Variants in OSBPL10 observed in about 807,000 individuals in gnomAD.
OSBPL10 encodes oxysterol binding protein like 10.
Under a neutral mutation model 81.7 loss-of-function variants are expected in OSBPL10, and 49 were observed. The ratio of observed to expected loss-of-function variants is 0.60; its 90% CI spans 0.48 to 0.76. The LOEUF (loss-of-function observed/expected upper bound fraction) is 0.76, where lower values mean the gene tolerates loss of function less well. Ranked by LOEUF, OSBPL10 falls within the 30% of genes least tolerant of loss-of-function variation. The pLI is 0.00. For missense variants in OSBPL10, 923 were observed against 987.8 expected (o/e 0.93, Z 0.88); for synonymous variants, 419 against 383.6 (o/e 1.09, Z -1.08).
At chr3:31,794,364 AATCCACCTCACCTCTGACACCGCAGGCG>A (rs886236485) in intron 4 of OSBPL10, 1 of 155,658 alleles carries the variant, frequency 6.4e-6, no homozygotes, top group African/African-American at 2.4e-5. Flanking sequence ...GGGCTCAGGC[AATCCACCTCACCTCTGACACCGCAGGCG>A]ATCCACCTGC....
upstream of OSBPL10, among the ~76,000 whole-genome samples, chr3:31,983,232 G>A (rs769629377): frequency 2.6e-5 from 4 of 152,228 alleles, no homozygotes; most frequent in Non-Finnish European, 4.4e-5. Context: ...CATACAGACT[G>A]AAGGTGGGAA....
At chr3:31,866,224 C>T (rs1275921479) in intron 3 of OSBPL10, among the ~76,000 whole-genome samples, 1 of 152,146 alleles carries the variant, frequency 6.6e-6, no homozygotes, top group African/African-American at 2.4e-5. Flanking sequence ...TCCTCCTTCC[C>T]ACCCCAACAA....
intron 4 of OSBPL10, among the ~76,000 whole-genome samples, chr3:31,777,245 G>T (rs1375800546): frequency 6.6e-6 from 1 of 152,156 alleles, no homozygotes; most frequent in Non-Finnish European, 1.5e-5. Context: ...AGGAAATAAT[G>T]AACAGCAGTG....
intron 7 of OSBPL10, among the ~76,000 whole-genome samples, chr3:31,686,876 G>A (rs1381884393): frequency 6.6e-6 from 1 of 152,154 alleles, no homozygotes; most frequent in East Asian, 1.9e-4. Context: ...AGGCTGCTGT[G>A]TTCTCCCACC....
At chr3:31,933,988 T>G (rs1470872310) in intron 1 of OSBPL10, among the ~76,000 whole-genome samples, 2 of 151,322 alleles carry the variant, frequency 1.3e-5, no homozygotes, top group Non-Finnish European at 2.9e-5. Context: ...CGAAAATAAA[T>G]GTACATCTGA....
At chr3:31,819,333 G>A (rs995944791) in intron 4 of OSBPL10, among the ~76,000 whole-genome samples, 2 of 152,208 alleles carry the variant, frequency 1.3e-5, no homozygotes, top group African/African-American at 2.4e-5. Context: ...CACCTACTTT[G>A]TGCTACACTC....
intron 9 of OSBPL10, among the ~76,000 whole-genome samples, chr3:31,670,129 C>G (rs1700287021): frequency 6.6e-6 from 1 of 152,108 alleles, no homozygotes; most frequent in Admixed American, 6.5e-5. Context: ...TCCAGGTGTC[C>G]CCAAGGGTGT....
chr3:32,056,368 G>A (rs1699712440), intron 1 of OSBPL10, among the ~76,000 whole-genome samples: 1 of 152,198 alleles, frequency 6.6e-6, no homozygotes, highest in Non-Finnish European at 1.5e-5. Flanking sequence ...CTTCATATCA[G>A]CCGGGTTCCA....
intron 6 of OSBPL10, chr3:31,708,990 TC>T (rs888252160): frequency 1.3e-5 from 13 of 985,384 alleles, no homozygotes; most frequent in Non-Finnish European, 1.6e-5. Flanking sequence ...TGGAGCCACT[TC>T]CAAAGCCAGG....
chr3:31,769,472 AAAAAAAACAG>A, intron 4 of OSBPL10, among the ~76,000 whole-genome samples: 1 of 141,412 alleles, frequency 7.1e-6, no homozygotes, highest in African/African-American at 2.7e-5. Flanking sequence ...AAAAAAAACA[AAAAAAAACAG>A]AATAAAAATA....
At chr3:31,769,479 A>AC (rs58033502) in intron 4 of OSBPL10, among the ~76,000 whole-genome samples, 1 of 138,696 alleles carries the variant, frequency 7.2e-6, no homozygotes, top group Non-Finnish European at 1.6e-5. Flanking sequence ...ACAAAAAAAA[A>AC]CAGAATAAAA....
At chr3:31,681,277 C>T (rs1477937739) in intron 8 of OSBPL10, among the ~76,000 whole-genome samples, 3 of 152,214 alleles carry the variant, frequency 2.0e-5, no homozygotes, top group Admixed American at 6.5e-5. Context: ...AACACGAATG[C>T]TGAGTACACC....
chr3:32,030,917 G>A (rs1274231986), intron 2 of OSBPL10, among the ~76,000 whole-genome samples: 2 of 152,098 alleles, frequency 1.3e-5, no homozygotes, highest in African/African-American at 2.4e-5. Flanking sequence ...TGTAATCCCA[G>A]CACTTTGGGA....
At chr3:31,883,403 A>T (rs1695644464) in intron 1 of OSBPL10, among the ~76,000 whole-genome samples, 2 of 150,556 alleles carry the variant, frequency 1.3e-5, no homozygotes, top group African/African-American at 4.9e-5. Flanking sequence ...CGCCCAGCTA[A>T]TTTTTTTTGT....
chr3:32,009,621 A>G (rs907278376), intron 2 of OSBPL10, among the ~76,000 whole-genome samples: 19 of 152,238 alleles, frequency 1.2e-4, no homozygotes, highest in African/African-American at 3.9e-4. Context: ...TATTATATAT[A>G]AAATCAGATT....
At chr3:31,726,380 G>C (rs926461981) in intron 6 of OSBPL10, among the ~76,000 whole-genome samples, 1 of 151,880 alleles carries the variant, frequency 6.6e-6, no homozygotes, top group Non-Finnish European at 1.5e-5. Context: ...GCAGTGGCAC[G>C]ATCTCTGCTC....
At chr3:31,709,981 C>A (rs1182680444) in intron 6 of OSBPL10, among the ~76,000 whole-genome samples, 1 of 152,224 alleles carries the variant, frequency 6.6e-6, no homozygotes, top group African/African-American at 2.4e-5. Flanking sequence ...CCAAGGTCTT[C>A]AGGCAGCACC....
intron 1 of OSBPL10, among the ~76,000 whole-genome samples, chr3:31,931,516 T>C (rs1003443609): frequency 1.3e-5 from 2 of 152,210 alleles, no homozygotes; most frequent in African/African-American, 4.8e-5. Flanking sequence ...CTAGACCTGA[T>C]GAAGTCCTTC....
chr3:31,691,844 G>A (rs188168711), intron 7 of OSBPL10, among the ~76,000 whole-genome samples: 181 of 152,070 alleles, frequency 1.2e-3, no homozygotes, highest in African/African-American at 4.2e-3. Context: ...CTCCACCACC[G>A]CAAAGGTTCA....
Sources: gnomAD v4.1 joint callset for allele counts (sites outside exome capture counted in the v4.1 genomes callset) on GRCh38, gnomAD v4.1.1 for gene constraint, MANE v1.5 for transcripts, NCBI Gene and HGNC (gene_info 2026-07-23, HGNC 2026-07-21) for gene names.